The following NBAS variants were observed in gnomAD, a reference collection of about 807,000 sequenced individuals.
NBAS encodes the protein NAG/BC035112 fusion.
A neutral mutation model predicts 302.5 loss-of-function variants in NBAS; 219 were observed. The observed-to-expected ratio is 0.72, with a 90% CI of 0.65 to 0.81. NBAS has a LOEUF of 0.81. Ranked by LOEUF, NBAS falls within the 30% of genes least tolerant of loss-of-function variation. The probability of loss-of-function intolerance (pLI) is 0.00; values close to 1 mark genes in which losing one functional copy is unlikely to be tolerated. For missense variants in NBAS, 2,932 were observed against 2,841.6 expected (o/e 1.03, Z -0.72); for synonymous variants, 1,118 against 1,021.6 (o/e 1.09, Z -1.80).
intron 38 of NBAS, among the ~76,000 whole-genome samples, chr2:15,322,390 AAAAT>A (rs748739395): frequency 1.3e-3 from 200 of 152,032 alleles, no homozygotes; most frequent in Non-Finnish European, 1.8e-3. Flanking sequence ...AGTATAATAA[AAAAT>A]AAATAAATAA....
chr2:15,203,642 A>G (rs904444585), intron 48 of NBAS, among the ~76,000 whole-genome samples: 2 of 152,216 alleles, frequency 1.3e-5, no homozygotes, highest in Non-Finnish European at 2.9e-5. Context: ...GCACAATTAT[A>G]GACCAAGCAT....
chr2:14,875,239 C>CA, the NBAS span, among the ~76,000 whole-genome samples: 9 of 151,444 alleles, frequency 5.9e-5, no homozygotes, highest in Non-Finnish European at 8.8e-5. Context: ...AGAAATCGAC[C>CA]AAAAAAAACA....
chr2:15,023,334 CTTTG>C, the NBAS span, among the ~76,000 whole-genome samples: 1 of 152,068 alleles, frequency 6.6e-6, no homozygotes, highest in African/African-American at 2.4e-5. Context: ...ACTTTGCTCA[CTTTG>C]TTTTTCTTTG....
chr2:15,536,425 G>C lies in NBAS; in HGVS notation c.640C>G (p.Leu214Val). The C allele has an allele frequency of 6.2e-7, 1 of 1,612,910 alleles. No homozygotes were observed. The highest frequency in any genetic ancestry group is 8.5e-7 in the Non-Finnish European group (1 of 1,179,856). Residue 214 changes from leucine to valine, a missense_variant, in exon 8 of 52, where the codon CTT becomes GTT. Transcript: ENST00000281513. Reference protein sequence around the residue: ...INYRGELRSYLVSVGTNQSYQ... With the variant: ...INYRGELRSYVVSVGTNQSYQ... ...TCCAAAGCACATTTTTACCTTACAA[G>C]GTAACTTCTAAGTTCTCCTCGGTAA...
At chr2:15,090,889 T>C in the NBAS span, among the ~76,000 whole-genome samples, 4 of 152,120 alleles carry the variant, frequency 2.6e-5, no homozygotes, top group Non-Finnish European at 5.9e-5. Context: ...AGTCTTATCG[T>C]GAAGAGAATG....
intron 39 of NBAS, 107 bp downstream of exon 39, chr2:15,309,064 G>GA (rs1671160060): frequency 1.8e-6 from 1 of 553,152 alleles, no homozygotes. Context: ...AGAAAAAAAA[G>GA]AAACAGGAGG....
the NBAS span, among the ~76,000 whole-genome samples, chr2:15,086,512 T>C: frequency 6.6e-6 from 1 of 152,208 alleles, no homozygotes; most frequent in Non-Finnish European, 1.5e-5. Context: ...GCTTGCCATA[T>C]TGCAGACAGA....
chr2:14,988,479 G>A, the NBAS span, among the ~76,000 whole-genome samples: 5 of 152,176 alleles, frequency 3.3e-5, no homozygotes, highest in African/African-American at 1.2e-4. Context: ...AATTCAAGAA[G>A]AATCTGTGAG....
At chr2:15,121,984 G>A in the NBAS span, among the ~76,000 whole-genome samples, 1 of 152,118 alleles carries the variant, frequency 6.6e-6, no homozygotes, top group South Asian at 2.1e-4. Flanking sequence ...CCACCAGTGG[G>A]GCCCATGCCA....
the NBAS span, among the ~76,000 whole-genome samples, chr2:14,982,406 G>A: frequency 1.3e-5 from 2 of 152,270 alleles, no homozygotes; most frequent in Admixed American, 6.5e-5. Context: ...GCAGCAATAA[G>A]TAACTAGAAC....
chr2:15,307,348 A>C (rs779292833), intron 40 of NBAS, among the ~76,000 whole-genome samples: 3 of 152,250 alleles, frequency 2.0e-5, no homozygotes, highest in Non-Finnish European at 4.4e-5. Context: ...ACCCAGTCAC[A>C]GACAGTACAT....
the NBAS span, among the ~76,000 whole-genome samples, chr2:15,157,171 G>A: frequency 6.6e-6 from 1 of 152,104 alleles, no homozygotes; most frequent in African/African-American, 2.4e-5. Flanking sequence ...CTGAGTGTCA[G>A]CTGTCTGATG....
At chr2:15,410,670 G>A (rs1450925505) in intron 25 of NBAS, among the ~76,000 whole-genome samples, 2 of 150,888 alleles carry the variant, frequency 1.3e-5, no homozygotes, top group African/African-American at 2.5e-5. Context: ...AAAGAAGCTA[G>A]ATTTGCTACT....
At chr2:15,103,171 T>C in the NBAS span, among the ~76,000 whole-genome samples, 2 of 152,172 alleles carry the variant, frequency 1.3e-5, no homozygotes, top group African/African-American at 4.8e-5. Context: ...ACCATGTTTT[T>C]AAGTCTCCCT....
the NBAS span, among the ~76,000 whole-genome samples, chr2:15,003,789 G>A: frequency 6.6e-6 from 1 of 152,164 alleles, no homozygotes; most frequent in Non-Finnish European, 1.5e-5. Flanking sequence ...AATATTTATG[G>A]CAAGACAGTC....
intron 28 of NBAS, among the ~76,000 whole-genome samples, chr2:15,387,795 C>A (rs1028986806): frequency 1.3e-5 from 2 of 152,060 alleles, no homozygotes; most frequent in African/African-American, 4.8e-5. Flanking sequence ...CCACACCCAG[C>A]TAATATTTGT....
rs1048113205 is a variant in NBAS at position 15,525,902 on chromosome 2, G to A, written c.746+8641C>T. 3.3e-5 allele frequency among the ~76,000 whole-genome samples: 5 copies of A among 152,082 alleles called. No homozygotes were observed. The South Asian group carries it at 8.3e-4, about 25-fold the overall frequency. On this transcript the variant is annotated intron_variant, in intron 9 of 51. Transcript: ENST00000281513. Reference sequence around the variant, plus strand: ...TTAAAAATCTATACATAAAGTCTTTGATCTGAACCTAACTCATTAAGTGTT... The same window carrying A: ...TTAAAAATCTATACATAAAGTCTTTAATCTGAACCTAACTCATTAAGTGTT...
At chr2:15,075,162 A>T in the NBAS span, among the ~76,000 whole-genome samples, 1 of 152,188 alleles carries the variant, frequency 6.6e-6, no homozygotes, top group African/African-American at 2.4e-5. Context: ...AACCTAAATT[A>T]TTTTTGGTAA....
intron 48 of NBAS, among the ~76,000 whole-genome samples, chr2:15,214,287 A>G (rs887051702): frequency 6.6e-6 from 1 of 151,262 alleles, no homozygotes; most frequent in Non-Finnish European, 1.5e-5. Flanking sequence ...GAAAGAGTTC[A>G]TATAATAAAT....
Sources: allele counts gnomAD v4.1 joint callset (sites outside exome capture counted in the v4.1 genomes callset), GRCh38; gene constraint gnomAD v4.1.1; transcripts MANE v1.5; gene names NCBI Gene and HGNC (gene_info 2026-07-23, HGNC 2026-07-21).